ADH1C: variants seen among roughly 807,000 people sequenced by gnomAD.
ADH1C encodes the protein alcohol dehydrogenase 1C.
Under a neutral mutation model 35.0 loss-of-function variants are expected in ADH1C, and 26 were observed. That is an observed-to-expected ratio of 0.74 (90% confidence interval 0.54 to 1.03). The LOEUF (loss-of-function observed/expected upper bound fraction) is 1.03. Ranked by LOEUF, ADH1C falls within the 50% of genes least tolerant of loss-of-function variation. ADH1C has a pLI of 0.00. For synonymous variants in ADH1C, 170 were observed against 169.3 expected (o/e 1.00, Z -0.03); for missense variants, 413 against 465.4 (o/e 0.89, Z 1.04).
chr4:99,351,448 C>T (rs539606875), intron 1 of ADH1C, among the ~76,000 whole-genome samples: 16 of 152,266 alleles, frequency 1.1e-4, no homozygotes, highest in African/African-American at 2.9e-4. Context: ...GGAGGATTAT[C>T]TATTTCATCA....
chr4:99,340,191 G>A (rs560261021), intron 7 of ADH1C, among the ~76,000 whole-genome samples: 2 of 152,268 alleles, frequency 1.3e-5, no homozygotes, highest in African/African-American at 4.8e-5. Context: ...GGCCGAGGCA[G>A]GCAGATCATT....
intron 5 of ADH1C, 72 bp downstream of exon 5, chr4:99,344,790 C>G: frequency 6.4e-7 from 1 of 1,572,962 alleles, no homozygotes; most frequent in Non-Finnish European, 8.7e-7. Context: ...CTGATTCTTG[C>G]AAGAAATTGC....
At chr4:99,341,432 T>C (rs1308525604) in intron 6 of ADH1C, among the ~76,000 whole-genome samples, 1 of 152,200 alleles carries the variant, frequency 6.6e-6, no homozygotes, top group Admixed American at 6.5e-5. Flanking sequence ...CCTCAGAACA[T>C]GTGGCTGTCA....
chr4:99,338,287 G>A (rs1336631238), intron 8 of ADH1C, among the ~76,000 whole-genome samples: 1 of 149,186 alleles, frequency 6.7e-6, no homozygotes, highest in Non-Finnish European at 1.5e-5. Flanking sequence ...GCTCAATAGT[G>A]TCTTCTGGTT....
chr4:99,352,131 G>A (rs1734691743), intron 1 of ADH1C, among the ~76,000 whole-genome samples: 1 of 152,096 alleles, frequency 6.6e-6, no homozygotes, highest in African/African-American at 2.4e-5. Flanking sequence ...AGATCAATGA[G>A]TATTTTGTAA....
Position 99,336,583 on chromosome 4 carries a change from C to T in ADH1C, c.*169G>A. On this transcript the variant is annotated 3_prime_UTR_variant, in exon 9 of 9. Coordinates refer to ENST00000515683, the MANE Select transcript of ADH1C (RefSeq NM_000669.5). ...TTCTCATTTGGATTTTAAACATTTG[C>T]TTGACAAATAATTTCCCATCAATTT... 1 of 853,040 alleles carries T rather than the reference C, an allele frequency of 1.2e-6. No individual in the cohort carries two copies. Among genetic ancestry groups the T allele is most frequent in the Non-Finnish European group, 1.8e-6 (1 of 542,938 alleles). 52.8% of individuals were successfully genotyped at this position (853,040 alleles called of 1,614,324 possible). A position where few individuals can be genotyped will look rare whatever the true frequency, so the allele number is the denominator to read the frequency against.
intron 1 of ADH1C, among the ~76,000 whole-genome samples, chr4:99,351,657 G>A (rs926703476): frequency 5.9e-5 from 9 of 152,202 alleles, no homozygotes; most frequent in African/African-American, 1.9e-4. Context: ...GGCCACTCAT[G>A]TGATTTCCAA....
chr4:99,339,522 C>A (rs561222871), intron 8 of ADH1C, 55 bp downstream of exon 8: 17 of 1,199,554 alleles, frequency 1.4e-5, no homozygotes, highest in African/African-American at 4.9e-5. Flanking sequence ...GCCCCCCCCC[C>A]CCCCGCCGCT....
In ADH1C at chr4:99,342,404, G is replaced by C. The variant is rs187509217; in HGVS notation, c.828+391C>G. ...TGTCAAAAAGTTTGGAATTCGTTAA[G>C]AGCATACATAAAATTGTTAAAATAT... On this transcript the variant is annotated intron_variant, in intron 6 of 8. Transcript: ENST00000515683. Among the ~76,000 whole-genome samples the C allele has an allele frequency of 2.7e-4, 41 of 152,206 alleles. 1 individual carries two copies. The highest frequency in any genetic ancestry group is 9.1e-4 in the African/African-American group (38 of 41,544).
intron 3 of ADH1C, 78 bp from the exon 4 acceptor site, chr4:99,345,344 T>G: frequency 7.4e-7 from 1 of 1,353,374 alleles, no homozygotes; most frequent in Non-Finnish European, 1.0e-6. Context: ...CTCACATGTA[T>G]AGATTAGAAT....
At chr4:99,339,366 C>CA (rs1734358429) in intron 8 of ADH1C, among the ~76,000 whole-genome samples, 1 of 152,102 alleles carries the variant, frequency 6.6e-6, no homozygotes, top group Admixed American at 6.6e-5. Flanking sequence ...TTGCCTTCAG[C>CA]AGAATAGGAA....
chr4:99,346,952 G>T lies in ADH1C; in HGVS notation c.259+54C>A, dbSNP rs951997655. Reference sequence around the variant, plus strand: ...TTGCCTCGGTTTCCTCATCCAGGCTGACTAATCTTGTGATGGTGAACCAAG... The same window carrying T: ...TTGCCTCGGTTTCCTCATCCAGGCTTACTAATCTTGTGATGGTGAACCAAG... On this transcript the variant is annotated intron_variant, in intron 3 of 8. Coordinates refer to ENST00000515683, the MANE Select transcript of ADH1C (RefSeq NM_000669.5). 6 of 1,589,622 alleles carry T rather than the reference G, an allele frequency of 3.8e-6. No homozygotes were observed. In the East Asian group the frequency reaches 1.4e-4, roughly 36 times the overall value.
At chr4:99,340,739 T>A in intron 6 of ADH1C, 29 bp from the exon 7 acceptor site, 2 of 1,611,902 alleles carry the variant, frequency 1.2e-6, no homozygotes, top group Non-Finnish European at 1.7e-6. Context: ...TTAGTATCCT[T>A]AACGTGGAGT....
chr4:99,338,396 TATATATATATA>T (rs1734329231), intron 8 of ADH1C, among the ~76,000 whole-genome samples: 4 of 7,436 alleles, frequency 5.4e-4, no homozygotes, highest in Middle Eastern at 0.038. Flanking sequence ...TACTGTTTTC[TATATATATATA>T]TATATATATA....
At chr4:99,338,053 GT>G (rs1057238942) in intron 8 of ADH1C, among the ~76,000 whole-genome samples, 2 of 151,168 alleles carry the variant, frequency 1.3e-5, no homozygotes, top group Admixed American at 6.6e-5. Flanking sequence ...AAGGATCTAG[GT>G]TTTTTTTGGA....
At chr4:99,345,639 A>C (rs1343872410) in intron 3 of ADH1C, among the ~76,000 whole-genome samples, 1 of 152,238 alleles carries the variant, frequency 6.6e-6, no homozygotes, top group East Asian at 1.9e-4. Context: ...TATACATATA[A>C]ATTTTAGTTG....
rs767010428 is a variant in ADH1C at position 99,336,705 on chromosome 4, G to C, written c.*47C>G. The stretch of plus-strand genomic sequence containing the variant: ...CTAGCTGTTGCTCCAGATCATGTAG[G>C]GTAGAGGAGGCTGAAAACTGCTACA... On this transcript the variant is annotated 3_prime_UTR_variant, in exon 9 of 9. Coordinates refer to ENST00000515683, the MANE Select transcript of ADH1C (RefSeq NM_000669.5). 1 of 1,602,554 alleles carries C rather than the reference G, an allele frequency of 6.2e-7. No individual in the cohort carries two copies. The highest frequency in any genetic ancestry group is 1.1e-5 in the South Asian group (1 of 90,848).
At chr4:99,345,838 G>A (rs773246650) in intron 3 of ADH1C, among the ~76,000 whole-genome samples, 50 of 152,014 alleles carry the variant, frequency 3.3e-4, no homozygotes, top group Non-Finnish European at 1.3e-4. Flanking sequence ...ACAAAAATAG[G>A]ACAAAGAAGA....
Position 99,350,123 on chromosome 4 carries a change from A to G in ADH1C, c.19-2277T>C, listed in dbSNP as rs191787065. Among the ~76,000 whole-genome samples, 150 of 152,314 alleles carry G rather than the reference A, an allele frequency of 9.8e-4. 1 individual carries two copies. The highest frequency in any genetic ancestry group is 3.3e-3 in the African/African-American group (137 of 41,574). Reference sequence around the variant, plus strand: ...ATCCTTCAACTTTGCAGGATTTTCAATGTGGTCCATGCCAAAATAAATATC... The same window carrying G: ...ATCCTTCAACTTTGCAGGATTTTCAGTGTGGTCCATGCCAAAATAAATATC... On this transcript the variant is annotated intron_variant, in intron 1 of 8. Coordinates refer to ENST00000515683, the MANE Select transcript of ADH1C (RefSeq NM_000669.5).
Sources: allele counts gnomAD v4.1 joint callset (sites outside exome capture counted in the v4.1 genomes callset), GRCh38; gene constraint gnomAD v4.1.1; transcripts MANE v1.5; gene names NCBI Gene and HGNC (gene_info 2026-07-23, HGNC 2026-07-21).